The following MSH6 variants were observed in gnomAD, a reference collection of about 807,000 sequenced individuals.
The protein encoded by MSH6 is mutS homolog 6.
A neutral mutation model predicts 119.1 loss-of-function variants in MSH6; 85 were observed. That is an observed-to-expected ratio of 0.71 (90% confidence interval 0.60 to 0.85). The LOEUF is 0.85. Among genes scored for constraint, MSH6 ranks in the 40% least tolerant of loss-of-function variants. The probability of loss-of-function intolerance (pLI) is 0.00; values close to 1 mark genes in which losing one functional copy is unlikely to be tolerated. For missense variants in MSH6, 2,163 were observed against 1,655.3 expected, an observed-to-expected ratio of 1.31 and a Z score of -5.32; for synonymous variants, 830 against 586.9, an observed-to-expected ratio of 1.41 and a Z score of -5.99.
At chr2:47,809,737 C>T, downstream of MSH6, 1 of 1,440,246 alleles carries the variant, frequency 6.9e-7, no homozygotes, top group Non-Finnish European at 9.8e-7. Context: ...CAAGTAGATA[C>T]ATCACTTTAT....
rs863224473 is a variant in MSH6 at position 47,799,028 on chromosome 2, C to A, written c.1045C>A (p.Gln349Lys). The A allele has an allele frequency of 6.2e-7, 1 of 1,614,184 alleles. No homozygotes were observed. The highest frequency in any genetic ancestry group is 8.5e-7 in the Non-Finnish European group (1 of 1,180,026). The part of the protein sequence containing the change: ...AFSAPQNSES[Q>K]AHVSGGGDDS... ...CTCTGCCCCTCAAAATTCTGAATCCCAAGCCCACGTTAGTGGAGGTGGTGA... is the reference window on the plus strand; with the variant it reads ...CTCTGCCCCTCAAAATTCTGAATCCAAAGCCCACGTTAGTGGAGGTGGTGA... The change falls in exon 4 of 10, where the codon CAA becomes AAA. Residue 349 changes from glutamine to lysine, a missense_variant. By Grantham distance (53) the Gln-to-Lys change is moderately conservative. Transcript: ENST00000234420.
At position 47,799,091 on chromosome 2, in the gene MSH6, T is replaced by G; in HGVS notation, c.1108T>G (p.Leu370Val). The change falls in exon 4 of 10, where the codon TTA (leucine) becomes GTA (valine). Residue 370 changes from leucine (L) to valine (V), a missense_variant. Physicochemically the swap from Leu to Val is conservative, Grantham distance 32. Coordinates refer to ENST00000234420, the MANE Select transcript of MSH6 (RefSeq NM_000179.3). ...CCCTACTGTTTGGTATCATGAAACT[T>G]TAGAATGGCTTAAGGAGGAAAAGAG... ...SRPTVWYHETLEWLKEEKRRD... is the reference protein window; with the variant it reads ...SRPTVWYHETVEWLKEEKRRD... 6.2e-7 allele frequency: 1 copy of G among 1,614,062 alleles called. No individual in the cohort carries two copies. The highest frequency in any genetic ancestry group is 8.5e-7 in the Non-Finnish European group (1 of 1,180,012).
chr2:47,794,184 T>C (rs1668930082), intron 2 of MSH6, among the ~76,000 whole-genome samples: 2 of 151,604 alleles, frequency 1.3e-5, no homozygotes, highest in South Asian at 4.2e-4. Flanking sequence ...CTACTAAAAA[T>C]ACAAAAATTA....
chr2:47,802,959 T>C (rs1026820000), intron 4 of MSH6, among the ~76,000 whole-genome samples: 2 of 152,186 alleles, frequency 1.3e-5, no homozygotes, highest in African/African-American at 4.8e-5. Context: ...TCGCCCAGGC[T>C]GGAGTGCATT....
At chr2:47,802,440 C>G (rs559987136) in intron 4 of MSH6, among the ~76,000 whole-genome samples, 1 of 152,066 alleles carries the variant, frequency 6.6e-6, no homozygotes, top group Non-Finnish European at 1.5e-5. Flanking sequence ...AAGTGATTCT[C>G]CTTCCTCAGC....
chr2:47,788,927 T>TTTTGTTTTTGTTTTTGTTTTTTTTG (rs1668547973), intron 1 of MSH6, among the ~76,000 whole-genome samples: 1 of 82,102 alleles, frequency 1.2e-5, no homozygotes, highest in African/African-American at 6.1e-5. Context: ...TTTTTGTTTT[T>TTTTGTTTTTGTTTTTGTTTTTTTTG]TTTTTTTTTT....
downstream of MSH6, chr2:47,808,314 A>C: frequency 2.5e-6 from 4 of 1,612,536 alleles, no homozygotes; most frequent in Non-Finnish European, 3.4e-6. Flanking sequence ...TATATCAAGC[A>C]AGTGTGCTAC....
In MSH6 at chr2:47,802,045, C is replaced by G. The variant is rs193008808; in HGVS notation, c.3172+890C>G. Among the ~76,000 whole-genome samples, 30 of 152,324 alleles carry G rather than the reference C, an allele frequency of 2.0e-4. 1 individual carries two copies. The highest frequency in any genetic ancestry group is 6.8e-3 in the Middle Eastern group (2 of 294). On this transcript the variant is annotated intron_variant, in intron 4 of 9. Transcript: ENST00000234420. ...TGAGCTTTTTATTATTTGGTGAATA[C>G]TGTTTCAAGGTGCTTTGTTACACTA...
At position 47,784,177 on chromosome 2, in the gene MSH6, G is replaced by A. The variant is rs867227991; in HGVS notation, c.260+684G>A. 1.7e-4 allele frequency: 174 copies of A among 1,002,926 alleles called. No homozygotes were observed. The African/African-American group carries it at 2.7e-3, about 16-fold the overall frequency. The allele number at this position is 1,002,926 out of a possible 1,614,324, so 62.1% of individuals were successfully genotyped here. On this transcript the variant is annotated intron_variant, in intron 1 of 9. Coordinates refer to ENST00000234420, the MANE Select transcript of MSH6 (RefSeq NM_000179.3). ...GGTGTGTCACCATGGGGACCGCGGG[G>A]CCTAATTGGGCGGGGCGGGGCCGTG...
In MSH6 at chr2:47,799,492, C is replaced by A. The variant is rs545020313; in HGVS notation, c.1509C>A (p.Ser503=). Residue 503 remains serine (S), a synonymous_variant, in exon 4 of 10, where the codon TCC becomes TCA. Transcript: ENST00000234420. The stretch of plus-strand genomic sequence containing the variant: ...GATGTAGAAAGATGGCACATATATC[C>A]AAGTATGATAGAGTGGTGAGGAGGG... ...EARCRKMAHI[S]KYDRVVRREI... is the part of the protein sequence containing the mutation. The A allele has an allele frequency of 6.2e-7, 1 of 1,613,972 alleles. No homozygotes were observed. Among genetic ancestry groups the A allele is most frequent in the African/African-American group, 1.3e-5 (1 of 74,880 alleles).
chr2:47,807,623 G>A, downstream of MSH6: 1 of 220,742 alleles, frequency 4.5e-6, no homozygotes, highest in Non-Finnish European at 9.1e-6. Context: ...CAAACTACAT[G>A]AGATTAAAGC....
Position 47,800,112 on chromosome 2 carries a change from T to C in MSH6, c.2129T>C (p.Ile710Thr), listed in dbSNP as rs750817344. 2 of 1,614,186 alleles carry C rather than the reference T, an allele frequency of 1.2e-6. No homozygotes were observed. Among genetic ancestry groups the C allele is most frequent in the East Asian group, 2.2e-5 (1 of 44,884 alleles). ...LLSMANFEEY[I>T]PLDSDTVSTT... is the part of the protein sequence containing the mutation. ...TCAATGGCTAATTTTGAAGAATATA[T>C]TCCCTTGGATTCTGACACAGTCAGC... The change falls in exon 4 of 10, where the codon ATT becomes ACT. Residue 710 changes from isoleucine to threonine, a missense_variant. Ile to Thr is a moderately conservative substitution (Grantham distance 89, BLOSUM62 -1). Coordinates refer to ENST00000234420, the MANE Select transcript of MSH6 (RefSeq NM_000179.3).
At chr2:47,803,227 T>C (rs545502910) in intron 4 of MSH6, among the ~76,000 whole-genome samples, 193 bp from the exon 5 acceptor site, 1 of 152,076 alleles carries the variant, frequency 6.6e-6, no homozygotes, top group African/African-American at 2.4e-5. Flanking sequence ...CTCTGCTCTA[T>C]CTTTTAGCTT....
rs1553333526 is a variant in MSH6, at chr2:47,806,537, A to G, written c.3887A>G (p.Lys1296Arg). The G allele has an allele frequency of 8.7e-6, 14 of 1,613,908 alleles. 1 individual carries two copies. Among genetic ancestry groups the G allele is most frequent in the Non-Finnish European group, 9.3e-6 (11 of 1,179,886 alleles). Residue 1296 changes from lysine (K) to arginine (R), a missense_variant, in exon 9 of 10, where the codon AAA (lysine) becomes AGA (arginine). Lys to Arg is a conservative substitution (Grantham distance 26). Transcript: ENST00000234420. ...AAATTCATTAAGGGAGCTTGTCCTA[A>G]AAGCTATGGCTTTAATGCAGCAAGG... ...LYKFIKGACPKSYGFNAARLA... is the reference protein window; with the variant it reads ...LYKFIKGACPRSYGFNAARLA...
At position 47,804,911 on chromosome 2, in the gene MSH6, C is replaced by T. The variant is rs876659975; in HGVS notation, c.3440C>T (p.Ala1147Val). 1.1e-5 allele frequency: 17 copies of T among 1,612,604 alleles called. No individual in the cohort carries two copies. Among genetic ancestry groups the T allele is most frequent in the African/African-American group, 2.7e-5 (2 of 74,898 alleles). Residue 1147 changes from alanine (A) to valine (V), a missense_variant and splice_region_variant, in exon 6 of 10, where the codon GCT (alanine) becomes GTT (valine). Ala to Val is a moderately conservative substitution (Grantham distance 64). Transcript: ENST00000234420. ...GACCTTTTCCTCCCTCATTCACAGG[C>T]TGGCTTATTAGCTGTAATGGCCCAG... ...MGGKSTLMRQ[A>V]GLLAVMAQMG...
downstream of MSH6, chr2:47,808,270 T>C: frequency 6.2e-7 from 1 of 1,612,480 alleles, no homozygotes; most frequent in Non-Finnish European, 8.5e-7. Context: ...GAAACCCAAA[T>C]ATTAGAAAAG....
In MSH6 at chr2:47,799,889, ACT is replaced by A. The variant is rs1669391378; in HGVS notation, c.1910_1911del (p.Leu637ProfsTer2). The A allele has an allele frequency of 6.2e-7, 1 of 1,614,048 alleles. No individual in the cohort carries two copies. Among genetic ancestry groups the A allele is most frequent in the Non-Finnish European group, 8.5e-7 (1 of 1,180,012 alleles). On this transcript the variant is annotated frameshift_variant, in exon 4 of 10. Transcript: ENST00000234420. LOFTEE classifies it high-confidence loss of function. ...TTGGGATGCATCCAAAACTTTGAGA[ACT>A]CTCCTTGAGGAAGAATATTTTAGGG... is the stretch of plus-strand genomic sequence containing the variant. ...QFWDASKTLR[T>X]LLEEEYFREK...
Position 47,804,997 on chromosome 2 carries a change from A to G in MSH6, c.3526A>G (p.Arg1176Gly), listed in dbSNP as rs786203968. 8 of 1,613,860 alleles carry G rather than the reference A, an allele frequency of 5.0e-6. No homozygotes were observed. The highest frequency in any genetic ancestry group is 6.8e-6 in the Non-Finnish European group (8 of 1,179,746). The change falls in exon 6 of 10, where the codon AGA becomes GGA. Residue 1176 changes from arginine (R) to glycine (G), a missense_variant. Transcript: ENST00000234420. ...CACACCAATTGATAGAGTGTTTACT[A>G]GACTTGGTGCCTCAGACAGAATAAT... ...RLTPIDRVFT[R>G]LGASDRIMSG...
intron 4 of MSH6, among the ~76,000 whole-genome samples, chr2:47,802,664 T>C (rs926916573): frequency 1.4e-5 from 2 of 148,038 alleles, no homozygotes; most frequent in Non-Finnish European, 3.0e-5. Context: ...TTTTAAATAA[T>C]GGTAGTTTAC....
Sources: allele counts gnomAD v4.1 joint callset (sites outside exome capture counted in the v4.1 genomes callset), GRCh38; gene constraint gnomAD v4.1.1; transcripts MANE v1.5; gene names NCBI Gene and HGNC (gene_info 2026-07-23, HGNC 2026-07-21).